Variants in DYNLL1 observed in about 807,000 individuals in gnomAD.
DYNLL1 encodes dynein light chain 1, cytoplasmic.
Under a neutral mutation model 10.1 loss-of-function variants are expected in DYNLL1, and 3 were observed. The ratio of observed to expected loss-of-function variants is 0.30; its 90% CI spans 0.14 to 0.77. DYNLL1 has a LOEUF of 0.77. Among genes scored for constraint, DYNLL1 ranks in the 30% least tolerant of loss-of-function variants. The probability of loss-of-function intolerance (pLI) is 0.66; values close to 1 mark genes in which losing one functional copy is unlikely to be tolerated. For missense variants in DYNLL1, 47 were observed against 111.7 expected (o/e 0.42, Z 2.61); for synonymous variants, 46 against 41.2 (o/e 1.12, Z -0.45).
upstream of DYNLL1, chr12:120,495,471 C>T (rs1340221369): frequency 6.6e-6 from 1 of 152,208 alleles, no homozygotes; most frequent in Non-Finnish European, 1.5e-5. Flanking sequence ...GAAGCCCTCC[C>T]TCAATCCTGA....
chr12:120,486,974 C>CTT (rs530890471), intron 1 of DYNLL1, among the ~76,000 whole-genome samples: 7 of 132,928 alleles, frequency 5.3e-5, no homozygotes, highest in Non-Finnish European at 6.6e-5. Flanking sequence ...ACAGGAGAAT[C>CTT]TTTTTTTTTT....
intron 1 of DYNLL1, among the ~76,000 whole-genome samples, chr12:120,483,700 G>A (rs2137062249): frequency 6.6e-6 from 1 of 152,252 alleles, no homozygotes; most frequent in East Asian, 1.9e-4. Context: ...AAATTTGAGA[G>A]TTGTGAGCCA....
At chr12:120,488,250 G>C (rs1879040833) in intron 1 of DYNLL1, 1 of 152,296 alleles carries the variant, frequency 6.6e-6, no homozygotes, top group Non-Finnish European at 1.5e-5. Context: ...CTGGAGCCAA[G>C]TCAGCCAGCC....
At chr12:120,497,055 G>A (rs975215812) in intron 2 of DYNLL1, 3 of 204,720 alleles carry the variant, frequency 1.5e-5, no homozygotes, top group African/African-American at 7.0e-5. Context: ...TTTGCTGGAA[G>A]GGAAGAAAGC....
chr12:120,497,360 T>G (rs1300808315), intron 2 of DYNLL1: 1 of 152,530 alleles, frequency 6.6e-6, no homozygotes, highest in African/African-American at 2.4e-5. Flanking sequence ...GTGGGAGAAA[T>G]GGTGAAGAGT....
At chr12:120,486,848 T>A (rs560971279) in intron 1 of DYNLL1, among the ~76,000 whole-genome samples, 3 of 152,216 alleles carry the variant, frequency 2.0e-5, no homozygotes, top group African/African-American at 7.2e-5. Context: ...CTCACTGGTG[T>A]CCTGGCTGCC....
chr12:120,471,795 T>C (rs1276116651), intron 1 of DYNLL1, among the ~76,000 whole-genome samples: 1 of 152,048 alleles, frequency 6.6e-6, no homozygotes, highest in Non-Finnish European at 1.5e-5. Context: ...ATATTTTTAG[T>C]AGAGACAGGG....
chr12:120,484,412 A>G (rs1275934696), intron 1 of DYNLL1, among the ~76,000 whole-genome samples: 1 of 152,306 alleles, frequency 6.6e-6, no homozygotes, highest in Non-Finnish European at 1.5e-5. Context: ...AAGTAGATTT[A>G]TATATCGTGA....
chr12:120,497,966 G>A, intron 2 of DYNLL1, 107 bp from the exon 3 acceptor site: 1 of 1,108,128 alleles, frequency 9.0e-7, no homozygotes, highest in Non-Finnish European at 1.3e-6. Flanking sequence ...AGAATTTGCA[G>A]ATGCTGACGT....
intron 1 of DYNLL1, among the ~76,000 whole-genome samples, chr12:120,477,741 C>A (rs1878786999): frequency 6.6e-6 from 1 of 152,028 alleles, no homozygotes; most frequent in South Asian, 2.1e-4. Context: ...CGCCACTGTA[C>A]TCCAGCCTGG....
intron 1 of DYNLL1, among the ~76,000 whole-genome samples, chr12:120,470,783 GC>G (rs1281036026): frequency 6.6e-6 from 1 of 151,650 alleles, no homozygotes. Context: ...GGTGGCTCAC[GC>G]CTGTAATCCC....
intron 1 of DYNLL1, among the ~76,000 whole-genome samples, chr12:120,470,389 CACTT>C (rs1878619799): frequency 6.6e-6 from 1 of 152,108 alleles, no homozygotes; most frequent in Non-Finnish European, 1.5e-5. Flanking sequence ...CCCACCTTGG[CACTT>C]ACTTTTCCAC....
At chr12:120,481,918 A>T (rs574904765) in intron 1 of DYNLL1, among the ~76,000 whole-genome samples, 284 of 152,208 alleles carry the variant, frequency 1.9e-3, no homozygotes, top group Admixed American at 5.9e-3. Flanking sequence ...GCATGATGCT[A>T]GCCCACGGCA....
intron 2 of DYNLL1, 188 bp from the exon 3 acceptor site, chr12:120,497,885 C>G (rs1486598521): frequency 1.0e-5 from 6 of 595,062 alleles, no homozygotes; most frequent in African/African-American, 1.9e-5. Flanking sequence ...CATCTTCGCT[C>G]AGACTGCAAG....
intron 2 of DYNLL1, chr12:120,497,777 A>G: frequency 3.2e-6 from 1 of 313,192 alleles, no homozygotes; most frequent in African/African-American, 2.2e-5. Context: ...TCTGTCAATG[A>G]ATATTATAGA....
chr12:120,480,725 T>C (rs1377552609), intron 1 of DYNLL1, among the ~76,000 whole-genome samples: 1 of 152,022 alleles, frequency 6.6e-6, no homozygotes, highest in Non-Finnish European at 1.5e-5. Context: ...GGCCTTGTTG[T>C]CTCCCATTAT....
intron 1 of DYNLL1, 87 bp downstream of exon 1, chr12:120,496,303 T>C: frequency 6.8e-7 from 1 of 1,465,748 alleles, no homozygotes; most frequent in East Asian, 2.4e-5. Context: ...CCGCGCTTCC[T>C]GAGAAGTGGG....
At chr12:120,481,692 C>T (rs557658368) in intron 1 of DYNLL1, among the ~76,000 whole-genome samples, 6 of 152,296 alleles carry the variant, frequency 3.9e-5, no homozygotes, top group African/African-American at 1.4e-4. Flanking sequence ...CTTTCGGAAC[C>T]TCCTGTTCAA....
upstream of DYNLL1, chr12:120,491,970 C>T (rs537837351): frequency 1.3e-5 from 2 of 152,308 alleles, no homozygotes; most frequent in East Asian, 3.9e-4. Context: ...GCATCAACTC[C>T]TTTTGTTTAG....
Sources: gnomAD v4.1 joint callset for allele counts (sites outside exome capture counted in the v4.1 genomes callset) on GRCh38, gnomAD v4.1.1 for gene constraint, MANE v1.5 for transcripts, NCBI Gene and HGNC (gene_info 2026-07-23, HGNC 2026-07-21) for gene names.